Variants in FBRSL1 observed in about 807,000 individuals in gnomAD.
FBRSL1 encodes fibrosin-1-like protein.
FBRSL1 carries 51 observed loss-of-function variants against 89.6 expected under a neutral mutation model. That is an observed-to-expected ratio of 0.57 (90% CI 0.45 to 0.72). The LOEUF is 0.72. Among genes scored for constraint, FBRSL1 ranks in the 30% least tolerant of loss-of-function variants. The pLI is 0.00. For missense variants in FBRSL1, 1,618 were observed against 1,451.8 expected (o/e 1.11, Z -1.86); for synonymous variants, 779 against 681.1 (o/e 1.14, Z -2.24).
chr12:132,491,207 G>A (rs917573327), intron 1 of FBRSL1, among the ~76,000 whole-genome samples: 2 of 152,230 alleles, frequency 1.3e-5, no homozygotes, highest in East Asian at 1.9e-4. Context: ...TTCAGGACGT[G>A]CTAGGGAGCA....
intron 3 of FBRSL1, among the ~76,000 whole-genome samples, chr12:132,527,583 G>T (rs1395492736): frequency 6.6e-6 from 1 of 151,656 alleles, no homozygotes; most frequent in Non-Finnish European, 1.5e-5. Context: ...CGAGTTGAGG[G>T]CTGCGGGGCT....
chr12:132,508,359 G>T lies in FBRSL1; in HGVS notation c.489+9G>T. ...TGCAGCCCTCCAAGCAGGTGAGCAG[G>T]TCCCTCCCCGACCGGAAGCTCTGCG... On this transcript the variant is annotated intron_variant, in intron 2 of 18. Coordinates refer to ENST00000680143, the MANE Select transcript of FBRSL1 (RefSeq NM_001367871.1). 7.8e-7 allele frequency: 1 copy of T among 1,279,402 alleles called. No homozygotes were observed. Among genetic ancestry groups the T allele is most frequent in the East Asian group, 2.5e-5 (1 of 40,308 alleles). 79.3% of individuals were successfully genotyped at this position (1,279,402 alleles called of 1,614,324 possible). A position where few individuals can be genotyped will look rare whatever the true frequency, so the allele number is the denominator to read the frequency against.
At chr12:132,574,026 G>C (rs2040219013) in intron 11 of FBRSL1, 64 bp from the exon 12 acceptor site, 1 of 1,118,452 alleles carries the variant, frequency 8.9e-7, no homozygotes, top group Middle Eastern at 3.7e-4. Context: ...GAACCAGGAA[G>C]CCCGAGGCGT....
chr12:132,546,981 T>C lies in FBRSL1; in HGVS notation c.616-1022T>C, dbSNP rs1046308202. Among the ~76,000 whole-genome samples, 6 of 152,230 alleles carry C rather than the reference T, an allele frequency of 3.9e-5. No individual in the cohort carries two copies. Among genetic ancestry groups the C allele is most frequent in the Admixed American group, 6.5e-5 (1 of 15,286 alleles). On this transcript the variant is annotated intron_variant, in intron 4 of 18. Transcript: ENST00000680143. This position sits in a 1 kb window ranked among gnomAD's most constrained non-coding sequence, Gnocchi z 4.0. ...GGAGGGCGCCGCCCACACATCCGGC[T>C]GGCACTCACCACCCTCCGTGCACTG... is the stretch of plus-strand genomic sequence containing the variant.
At chr12:132,530,994 T>TTG (rs796511853) in intron 4 of FBRSL1, among the ~76,000 whole-genome samples, 1,320 of 86,672 alleles carry the variant, frequency 0.015, 21 homozygotes, top group Non-Finnish European at 0.02. Flanking sequence ...GTGTCCAGTG[T>TTG]GGGGGGGGGG....
chr12:132,526,257 G>T (rs2035784112), intron 3 of FBRSL1, among the ~76,000 whole-genome samples: 1 of 152,362 alleles, frequency 6.6e-6, no homozygotes, highest in South Asian at 2.1e-4. Flanking sequence ...GGGCAGTGGG[G>T]AGGTTTCTGC....
At chr12:132,503,345 G>A (rs1388781709) in intron 1 of FBRSL1, among the ~76,000 whole-genome samples, 2 of 152,264 alleles carry the variant, frequency 1.3e-5, no homozygotes, top group African/African-American at 4.8e-5. Context: ...CGACCTGGAG[G>A]CCTCTGGAAC....
chr12:132,515,543 A>T (rs920138279), intron 2 of FBRSL1, among the ~76,000 whole-genome samples: 4 of 152,030 alleles, frequency 2.6e-5, no homozygotes, highest in Non-Finnish European at 5.9e-5. Flanking sequence ...AAAAAAAAAA[A>T]AATGGAAGGT....
At chr12:132,509,026 C>T (rs1052651382) in intron 2 of FBRSL1, 25 of 1,173,656 alleles carry the variant, frequency 2.1e-5, no homozygotes, top group Middle Eastern at 3.2e-4. Flanking sequence ...GGGCTCTGCG[C>T]GGTGTCCTCG....
At chr12:132,503,019 G>A (rs889075298) in intron 1 of FBRSL1, among the ~76,000 whole-genome samples, 1 of 151,756 alleles carries the variant, frequency 6.6e-6, no homozygotes, top group Non-Finnish European at 1.5e-5. Context: ...AGCTCTTCCC[G>A]GCCCGCACAG....
chr12:132,559,679 G>C lies in FBRSL1; in HGVS notation c.646-7802G>C, dbSNP rs964374795. ...GGCCTCCCAAAGTGCTGTTTCAGGC[G>C]CCGGCCACCGCGCCCGGCTGTCGCC... On this transcript the variant is annotated intron_variant, in intron 5 of 18. Coordinates refer to ENST00000680143, the MANE Select transcript of FBRSL1 (RefSeq NM_001367871.1). Among the ~76,000 whole-genome samples, 4 of 152,324 alleles carry C rather than the reference G, an allele frequency of 2.6e-5. No individual in the cohort carries two copies. The East Asian group carries it at 7.7e-4, about 29-fold the overall frequency.
intron 2 of FBRSL1, among the ~76,000 whole-genome samples, chr12:132,514,084 C>A (rs1370087659): frequency 6.6e-6 from 1 of 152,238 alleles, no homozygotes; most frequent in Non-Finnish European, 1.5e-5. Context: ...CATTCGGGAT[C>A]CTTGTCTGGG....
intron 5 of FBRSL1, chr12:132,552,737 G>A (rs959759080): frequency 8.0e-5 from 12 of 150,786 alleles, no homozygotes; most frequent in Non-Finnish European, 1.3e-4. Flanking sequence ...GGCCCCTGCC[G>A]TGGACACTCA....
chr12:132,579,919 TA>T (rs2040627934), intron 15 of FBRSL1, among the ~76,000 whole-genome samples: 1 of 152,166 alleles, frequency 6.6e-6, no homozygotes, highest in East Asian at 1.9e-4. Flanking sequence ...TCGGTTTCAG[TA>T]ACGCGAGTGT....
chr12:132,570,983 C>A, intron 8 of FBRSL1, 85 bp from the exon 9 acceptor site: 1 of 911,318 alleles, frequency 1.1e-6, no homozygotes, highest in Non-Finnish European at 1.3e-6. Context: ...GCCCCGTGTC[C>A]CGGGATGGGA....
intron 2 of FBRSL1, 151 bp from the exon 3 acceptor site, chr12:132,525,583 C>T (rs1593342320): frequency 7.8e-6 from 5 of 639,862 alleles, no homozygotes; most frequent in South Asian, 3.6e-5. Context: ...CACCACAGCT[C>T]GTCACATCCC....
At chr12:132,497,641 A>G (rs922284584) in intron 1 of FBRSL1, among the ~76,000 whole-genome samples, 15 of 152,296 alleles carry the variant, frequency 9.8e-5, no homozygotes, top group African/African-American at 3.6e-4. Context: ...GCCCCTGTCC[A>G]GATGAGCTGA....
intron 11 of FBRSL1, 61 bp from the exon 12 acceptor site, chr12:132,574,029 C>G (rs775112409): frequency 1.6e-5 from 18 of 1,125,068 alleles, no homozygotes; most frequent in Non-Finnish European, 2.0e-5. Context: ...CCAGGAAGCC[C>G]GAGGCGTCCT....
At chr12:132,566,933 C>T (rs1220856475) in intron 5 of FBRSL1, among the ~76,000 whole-genome samples, 1 of 152,164 alleles carries the variant, frequency 6.6e-6, no homozygotes, top group Non-Finnish European at 1.5e-5. Context: ...CTCAGCCGGC[C>T]CGGGAGCATA....
Sources: gnomAD v4.1 joint callset for allele counts (sites outside exome capture counted in the v4.1 genomes callset) on GRCh38, gnomAD v4.1.1 for gene constraint, Gnocchi (gnomAD v3.1) non-coding constraint, MANE v1.5 for transcripts, NCBI Gene and HGNC (gene_info 2026-07-23, HGNC 2026-07-21) for gene names.